The following CERKL variants were observed in gnomAD, a reference collection of about 807,000 sequenced individuals.
CERKL encodes the protein ceramide kinase-like protein.
In CERKL, 61 loss-of-function variants were observed where a neutral mutation model predicts 63.4. The ratio of observed to expected loss-of-function variants is 0.96; its 90% CI spans 0.78 to 1.19. The LOEUF is 1.19. CERKL is among the 50% of genes most tolerant of loss of function. The pLI, the probability that CERKL is intolerant of heterozygous loss-of-function variation, is 0.00. For missense variants in CERKL, 675 were observed against 655.5 expected, an observed-to-expected ratio of 1.03 and a Z score of -0.33; for synonymous variants, 250 against 230.5, an observed-to-expected ratio of 1.08 and a Z score of -0.77.
chr2:181,581,563 C>T (rs966077130), intron 2 of CERKL, among the ~76,000 whole-genome samples: 1 of 152,130 alleles, frequency 6.6e-6, no homozygotes. Context: ...TATAGGATGT[C>T]ATATTATTGA....
chr2:181,639,696 T>C (rs1294371264), intron 1 of CERKL, among the ~76,000 whole-genome samples: 1 of 152,222 alleles, frequency 6.6e-6, no homozygotes, highest in Non-Finnish European at 1.5e-5. Flanking sequence ...ATGGGGACAG[T>C]GCAGGCTCTG....
chr2:181,651,165 A>G (rs1212093314), intron 1 of CERKL, among the ~76,000 whole-genome samples: 1 of 152,236 alleles, frequency 6.6e-6, no homozygotes, highest in African/African-American at 2.4e-5. Flanking sequence ...GAATACTTCC[A>G]AACTCATTTC....
intron 1 of CERKL, among the ~76,000 whole-genome samples, chr2:181,604,378 T>A (rs1685590090): frequency 1.3e-5 from 2 of 152,186 alleles, no homozygotes; most frequent in Admixed American, 1.3e-4. Flanking sequence ...TGAATAATAG[T>A]TAAAACCAAA....
In CERKL at chr2:181,565,422, A is replaced by G. The variant is rs756996473; in HGVS notation, c.677+636T>C. 3.1e-6 allele frequency: 5 copies of G among 1,603,618 alleles called. No individual in the cohort carries two copies. The highest frequency in any genetic ancestry group is 2.2e-5 in the South Asian group (2 of 90,884). On this transcript the variant is annotated intron_variant, in intron 4 of 12. Transcript: ENST00000410087. ...ATTTTAAAAAATGGCAATGAAATTT[A>G]TATCACTTGCCTTGGTTCTAACGTT...
intron 8 of CERKL, chr2:181,548,295 AGG>A: frequency 3.7e-6 from 2 of 540,840 alleles, no homozygotes; most frequent in South Asian, 4.9e-5. Flanking sequence ...GGGGAAGGGA[AGG>A]GAAAAAGAGA....
chr2:181,593,350 C>T lies in CERKL; in HGVS notation c.481+10487G>A, dbSNP rs138608224. ...TCTGGTGGGACAAGGATAAGTAAGT[C>T]ACCTCATTTCTGACAGATTTACTAA... On this transcript the variant is annotated intron_variant, in intron 2 of 12. Coordinates refer to ENST00000410087, the MANE Select transcript of CERKL (RefSeq NM_201548.5). 7.9e-5 allele frequency among the ~76,000 whole-genome samples: 12 copies of T among 152,256 alleles called. No individual in the cohort carries two copies. The East Asian group carries it at 1.4e-3, about 17-fold the overall frequency.
At chr2:181,600,356 T>C (rs1257301221) in intron 2 of CERKL, among the ~76,000 whole-genome samples, 2 of 152,144 alleles carry the variant, frequency 1.3e-5, no homozygotes, top group East Asian at 1.9e-4. Flanking sequence ...GAACAAAACC[T>C]CAAATATCAA....
intron 2 of CERKL, among the ~76,000 whole-genome samples, chr2:181,601,102 T>G (rs554965371): frequency 6.6e-6 from 1 of 152,168 alleles, no homozygotes; most frequent in Non-Finnish European, 1.5e-5. Flanking sequence ...ACCTGAATTC[T>G]GAAAAAACAA....
chr2:181,550,799 C>T lies in CERKL; in HGVS notation c.821-1091G>A, dbSNP rs1015896800. ...ATTAATATCATAATTTTTTAGGTAA[C>T]TAAGAATAAGCATATTTAATTATTA... On this transcript the variant is annotated intron_variant, in intron 5 of 12. Transcript: ENST00000410087. The surrounding 1 kb of genome is among the most constrained non-coding windows in gnomAD (Gnocchi z 4.5). 6.6e-6 allele frequency among the ~76,000 whole-genome samples: 1 copy of T among 152,050 alleles called. No individual in the cohort carries two copies. Among genetic ancestry groups the T allele is most frequent in the African/African-American group, 2.4e-5 (1 of 41,424 alleles).
intron 8 of CERKL, chr2:181,548,284 A>AG (rs1246268386): frequency 1.9e-6 from 1 of 532,872 alleles, no homozygotes; most frequent in Admixed American, 3.7e-5. Context: ...AAGGAAAGAA[A>AG]GGGGAAGGGA....
intron 1 of CERKL, among the ~76,000 whole-genome samples, chr2:181,632,204 G>A (rs1412643250): frequency 1.3e-5 from 2 of 152,122 alleles, no homozygotes; most frequent in East Asian, 1.9e-4. Context: ...CAGTGGTTAA[G>A]AGAACTTTTT....
In CERKL at chr2:181,547,836, C is replaced by T. The variant is rs776211842; in HGVS notation, c.1145G>A (p.Gly382Glu). The change falls in exon 9 of 13, where the codon GGA becomes GAA. Residue 382 changes from glycine to glutamate, a missense_variant. Physicochemically the swap from Gly to Glu is moderately conservative, Grantham distance 98 (BLOSUM62 -2). Coordinates refer to ENST00000410087, the MANE Select transcript of CERKL (RefSeq NM_201548.5). The part of the protein sequence containing the change: ...SDDVQERRAQ[G>E]SPKSDCNDQW... ...TTTCGACTCACCAGATTTGGGAGAT[C>T]CCTGTGCCCTCCTAAAAGAAAGAAA... The T allele has an allele frequency of 2.5e-6, 4 of 1,613,858 alleles. No individual in the cohort carries two copies. The highest frequency in any genetic ancestry group is 3.4e-6 in the Non-Finnish European group (4 of 1,179,986).
chr2:181,549,877 C>T (rs1687913071), intron 5 of CERKL, among the ~76,000 whole-genome samples, 169 bp from the exon 6 acceptor site: 1 of 152,156 alleles, frequency 6.6e-6, no homozygotes, highest in Non-Finnish European at 1.5e-5. Flanking sequence ...TTCTTATTCA[C>T]AGTATAGATG....
chr2:181,625,764 A>G (rs1348121), intron 1 of CERKL, among the ~76,000 whole-genome samples: 6,197 of 152,304 alleles, frequency 0.041, 394 homozygotes, highest in African/African-American at 0.14. Context: ...AGATGCATTC[A>G]TTCATTCAAC....
At position 181,612,574 on chromosome 2, in the gene CERKL, T is replaced by A. The variant is rs558433325; in HGVS notation, c.239-8495A>T. Among the ~76,000 whole-genome samples the A allele has an allele frequency of 1.3e-4, 20 of 152,206 alleles. No homozygotes were observed. In the South Asian group the frequency reaches 3.9e-3, roughly 30 times the overall value. ...TTTAGATTTATCCACAGTGTTCTCA[T>A]ACTTAATTGGATTAATAAGTGTCAA... On this transcript the variant is annotated intron_variant, in intron 1 of 12. Coordinates refer to ENST00000410087, the MANE Select transcript of CERKL (RefSeq NM_201548.5).
At chr2:181,592,921 C>A (rs952416327) in intron 2 of CERKL, among the ~76,000 whole-genome samples, 8 of 152,098 alleles carry the variant, frequency 5.3e-5, no homozygotes, top group African/African-American at 1.9e-4. Flanking sequence ...CTCTCTCACC[C>A]TCTCCTCTGG....
intron 3 of CERKL, among the ~76,000 whole-genome samples, chr2:181,572,413 G>A (rs1044190614): frequency 6.6e-6 from 1 of 152,122 alleles, no homozygotes; most frequent in Non-Finnish European, 1.5e-5. Context: ...TGAAGTGAAT[G>A]CTATATAGCA....
chr2:181,627,779 T>C (rs1686777679), intron 1 of CERKL, among the ~76,000 whole-genome samples: 1 of 152,186 alleles, frequency 6.6e-6, no homozygotes, highest in African/African-American at 2.4e-5. Flanking sequence ...GAACACTGCA[T>C]ACATCACTGT....
intron 1 of CERKL, among the ~76,000 whole-genome samples, chr2:181,655,230 T>G (rs1688107532): frequency 6.6e-6 from 1 of 152,248 alleles, no homozygotes; most frequent in Non-Finnish European, 1.5e-5. Context: ...CTATTTTACC[T>G]TAATCACCAC....
Sources: allele counts gnomAD v4.1 joint callset (sites outside exome capture counted in the v4.1 genomes callset), GRCh38; gene constraint gnomAD v4.1.1; non-coding constraint Gnocchi (gnomAD v3.1); transcripts MANE v1.5; gene names NCBI Gene and HGNC (gene_info 2026-07-23, HGNC 2026-07-21).